The following CACNA2D1 variants were observed in gnomAD, a reference collection of about 807,000 sequenced individuals.
CACNA2D1 encodes the protein calcium voltage-gated channel auxiliary subunit alpha2delta 1.
CACNA2D1 carries 53 observed loss-of-function variants against 171.5 expected under a neutral mutation model. The observed-to-expected ratio is 0.31, with a 90% confidence interval of 0.25 to 0.39. CACNA2D1 has a LOEUF of 0.39. CACNA2D1 is among the 10% of genes least tolerant of loss of function. The pLI, the probability that CACNA2D1 is intolerant of heterozygous loss-of-function variation, is 1.00. For synonymous variants in CACNA2D1, 442 were observed against 443.1 expected (o/e 1.00, Z 0.03); for missense variants, 903 against 1,299.8 (o/e 0.69, Z 4.69).
At chr7:82,117,802 A>G (rs767201747) in intron 5 of CACNA2D1, among the ~76,000 whole-genome samples, 28 of 151,994 alleles carry the variant, frequency 1.8e-4, no homozygotes, top group Non-Finnish European at 2.5e-4. Context: ...CAAACAAACA[A>G]ACAGACAAAT....
chr7:82,286,248 C>T (rs1810749394), intron 3 of CACNA2D1, among the ~76,000 whole-genome samples: 2 of 152,196 alleles, frequency 1.3e-5, no homozygotes, highest in South Asian at 2.1e-4. Context: ...GATTGAGAAA[C>T]ACCCTTTCTC....
intron 2 of CACNA2D1, 149 bp from the exon 3 acceptor site, chr7:82,335,400 G>A: frequency 1.6e-6 from 1 of 643,974 alleles, no homozygotes; most frequent in South Asian, 1.8e-5. Flanking sequence ...GAGTGTGTCA[G>A]GAAAAAATAT....
chr7:82,352,141 AC>A (rs1321058576), intron 1 of CACNA2D1, among the ~76,000 whole-genome samples: 1 of 152,120 alleles, frequency 6.6e-6, no homozygotes, highest in Non-Finnish European at 1.5e-5. Flanking sequence ...AGTCTTCCCT[AC>A]CCCACTGACA....
At chr7:82,301,730 T>TACAC (rs4018910) in intron 3 of CACNA2D1, among the ~76,000 whole-genome samples, 3,651 of 142,236 alleles carry the variant, frequency 0.026, 109 homozygotes, top group East Asian at 0.081. Context: ...TGGTAAATAA[T>TACAC]ACACACACAC....
At chr7:81,996,160 A>G (rs886562328) in intron 19 of CACNA2D1, among the ~76,000 whole-genome samples, 13 of 152,120 alleles carry the variant, frequency 8.5e-5, no homozygotes, top group Admixed American at 7.2e-4. Context: ...ATTTCATTCA[A>G]TCACTATTAC....
chr7:82,193,179 G>T (rs1798511898), intron 3 of CACNA2D1, among the ~76,000 whole-genome samples: 1 of 138,888 alleles, frequency 7.2e-6, no homozygotes, highest in African/African-American at 2.4e-5. Context: ...CATAATTCAA[G>T]TAAATAAGGC....
At chr7:82,307,975 CT>C (rs1226853061) in intron 3 of CACNA2D1, among the ~76,000 whole-genome samples, 2 of 152,124 alleles carry the variant, frequency 1.3e-5, no homozygotes, top group East Asian at 3.9e-4. Context: ...TTTTAAACTT[CT>C]CTGTTCTCTT....
chr7:82,172,768 T>C (rs1473971780), intron 3 of CACNA2D1, among the ~76,000 whole-genome samples: 1 of 147,804 alleles, frequency 6.8e-6, no homozygotes, highest in East Asian at 2.0e-4. Context: ...ATTTGCAATG[T>C]AAATCTTCCC....
intron 3 of CACNA2D1, among the ~76,000 whole-genome samples, chr7:82,221,863 G>C: frequency 6.6e-6 from 1 of 150,532 alleles, no homozygotes; most frequent in South Asian, 2.1e-4. Flanking sequence ...ATTTCTTTTT[G>C]GGTAAGTAAT....
chr7:82,225,318 A>G, intron 3 of CACNA2D1, among the ~76,000 whole-genome samples: 1 of 152,188 alleles, frequency 6.6e-6, no homozygotes, highest in East Asian at 1.9e-4. Flanking sequence ...AATTCTCTGT[A>G]CTTCAAAAGA....
At chr7:82,171,562 C>T (rs1033480298) in intron 3 of CACNA2D1, among the ~76,000 whole-genome samples, 11 of 152,164 alleles carry the variant, frequency 7.2e-5, no homozygotes, top group African/African-American at 2.6e-4. Context: ...TGCCTCATGG[C>T]TTATTGGAAG....
intron 12 of CACNA2D1, 84 bp from the exon 13 acceptor site, chr7:82,014,563 A>T: frequency 1.3e-6 from 1 of 776,032 alleles, no homozygotes; most frequent in Non-Finnish European, 2.3e-6. Flanking sequence ...ATTTCTATTG[A>T]AAAGAGTGCT....
At chr7:81,994,173 A>G (rs928030701) in intron 20 of CACNA2D1, among the ~76,000 whole-genome samples, 4 of 152,140 alleles carry the variant, frequency 2.6e-5, no homozygotes, top group African/African-American at 9.6e-5. Flanking sequence ...TTCCAGGCTC[A>G]AAAGCTTCTG....
rs767910764 is a variant in CACNA2D1 at position 81,983,352 on chromosome 7, A to G, written c.1874-18T>C. The G allele has an allele frequency of 6.2e-7, 1 of 1,606,928 alleles. No individual in the cohort carries two copies. The highest frequency in any genetic ancestry group is 2.2e-5 in the East Asian group (1 of 44,616). Reference sequence around the variant, plus strand: ...CTTTTTTGCTGTGAAAATCCATCAGAAAGAGAAAGCAGGGAAACAAAAAAA... The same window carrying G: ...CTTTTTTGCTGTGAAAATCCATCAGGAAGAGAAAGCAGGGAAACAAAAAAA... On this transcript the variant is annotated intron_variant, in intron 22 of 38. Coordinates refer to ENST00000356860, the MANE Select transcript of CACNA2D1 (RefSeq NM_000722.4).
intron 4 of CACNA2D1, among the ~76,000 whole-genome samples, chr7:82,164,460 A>G (rs1278608455): frequency 6.6e-6 from 1 of 152,034 alleles, no homozygotes; most frequent in Non-Finnish European, 1.5e-5. Flanking sequence ...GATCAAAAAT[A>G]TGAAGAAATT....
At chr7:82,147,533 A>C (rs1380762974) in intron 4 of CACNA2D1, among the ~76,000 whole-genome samples, 3 of 152,158 alleles carry the variant, frequency 2.0e-5, no homozygotes, top group Non-Finnish European at 4.4e-5. Context: ...TAAAGCATTA[A>C]AATTTAATCT....
intron 3 of CACNA2D1, among the ~76,000 whole-genome samples, chr7:82,297,683 C>T (rs1371849769): frequency 1.3e-5 from 2 of 152,168 alleles, no homozygotes; most frequent in African/African-American, 2.4e-5. Context: ...TAGTTGTAGT[C>T]TTTACCAATA....
chr7:82,059,760 T>C (rs1256437929), intron 10 of CACNA2D1, among the ~76,000 whole-genome samples: 2 of 151,306 alleles, frequency 1.3e-5, no homozygotes, highest in Admixed American at 1.3e-4. Context: ...TGTCCAACAA[T>C]GATAGACTGG....
intron 3 of CACNA2D1, among the ~76,000 whole-genome samples, chr7:82,208,932 C>T (rs1441287547): frequency 6.6e-6 from 1 of 152,074 alleles, no homozygotes. Flanking sequence ...ATAATAGGTA[C>T]ATAACAGATA....
Sources: allele counts gnomAD v4.1 joint callset (sites outside exome capture counted in the v4.1 genomes callset), GRCh38; gene constraint gnomAD v4.1.1; transcripts MANE v1.5; gene names NCBI Gene and HGNC (gene_info 2026-07-23, HGNC 2026-07-21).